Variants in RPL7A observed in about 807,000 individuals in gnomAD.
The protein encoded by RPL7A is ribosomal protein L7a.
For missense variants in RPL7A, 291 were observed against 338.2 expected, an observed-to-expected ratio of 0.86 and a Z score of 1.09; for synonymous variants, 158 against 128.2, an observed-to-expected ratio of 1.23 and a Z score of -1.57.
intron 2 of RPL7A, 99 bp from the exon 3 acceptor site, chr9:133,349,452 C>T (rs2129986178): frequency 6.9e-7 from 1 of 1,441,848 alleles, no homozygotes; most frequent in Non-Finnish European, 9.8e-7. Context: ...CATTTTAAAC[C>T]ACCAAGATCG....
intron 2 of RPL7A, 130 bp from the exon 3 acceptor site, chr9:133,349,421 C>A: frequency 9.0e-7 from 1 of 1,110,634 alleles, no homozygotes; most frequent in Non-Finnish European, 1.4e-6. Context: ...AGAATATTTG[C>A]TATCTGAGAG....
chr9:133,350,359 CA>C, intron 5 of RPL7A, 40 bp downstream of exon 5: 3 of 1,606,582 alleles, frequency 1.9e-6, no homozygotes, highest in Non-Finnish European at 2.6e-6. Context: ...GGGCTTCTGG[CA>C]GTACCAGGAA....
At position 133,351,053 on chromosome 9, in the gene RPL7A, C is replaced by T. The variant is rs1209777679; in HGVS notation, c.678C>T (p.Tyr226=). ...TGGTGGAAGCTATCAGGACCAATTACAATGACAGATACGATGAGGTAAGAG... is the reference window on the plus strand; with the variant it reads ...TGGTGGAAGCTATCAGGACCAATTATAATGACAGATACGATGAGGTAAGAG... ...AKLVEAIRTN[Y]NDRYDEIRRH... Residue 226 remains tyrosine, a synonymous_variant, in exon 7 of 8, where the codon TAC becomes TAT. Transcript: ENST00000323345. 2.5e-6 allele frequency: 4 copies of T among 1,613,982 alleles called. No homozygotes were observed. The highest frequency in any genetic ancestry group is 3.4e-6 in the Non-Finnish European group (4 of 1,180,000).
chr9:133,350,401 T>A, intron 5 of RPL7A, 82 bp downstream of exon 5: 1 of 1,554,952 alleles, frequency 6.4e-7, no homozygotes, highest in Non-Finnish European at 8.9e-7. Flanking sequence ...AAGTCAGTGA[T>A]GGGACCGAAG....
intron 1 of RPL7A, 91 bp downstream of exon 1, chr9:133,348,337 GCTC>G (rs1191043079): frequency 6.5e-7 from 1 of 1,549,144 alleles, no homozygotes; most frequent in African/African-American, 1.4e-5. Flanking sequence ...AGGGCCTCCT[GCTC>G]CTCCTGGCGC....
intron 6 of RPL7A, 109 bp from the exon 7 acceptor site, chr9:133,350,893 C>T (rs2129996797): frequency 8.9e-6 from 13 of 1,460,116 alleles, no homozygotes; most frequent in Non-Finnish European, 1.2e-5. Context: ...ACCATGTGGT[C>T]AGCATTGCAT....
chr9:133,349,486 G>A lies in RPL7A; in HGVS notation c.125-65G>A, dbSNP rs117469434. On this transcript the variant is annotated intron_variant, in intron 2 of 7. Coordinates refer to ENST00000323345, the MANE Select transcript of RPL7A (RefSeq NM_000972.3). Reference sequence around the variant, plus strand: ...CGCTGATGCACCAACACCCTTCCTAGTGGCCCCAGACATGAACTTGACATG... The same window carrying A: ...CGCTGATGCACCAACACCCTTCCTAATGGCCCCAGACATGAACTTGACATG... The A allele has an allele frequency of 6.8e-5, 109 of 1,603,740 alleles. 1 individual carries two copies. In the East Asian group the frequency reaches 2.3e-3, roughly 33 times the overall value.
Position 133,350,608 on chromosome 9 carries a change from C to T in RPL7A, c.507C>T (p.Phe169=), listed in dbSNP as rs2129994997. 2.7e-5 allele frequency: 43 copies of T among 1,614,044 alleles called. No homozygotes were observed. Among genetic ancestry groups the T allele is most frequent in the African/African-American group, 1.9e-4 (14 of 75,068 alleles). Residue 169 remains phenylalanine (F), a synonymous_variant, in exon 6 of 8, where the codon TTC becomes TTT. Coordinates refer to ENST00000323345, the MANE Select transcript of RPL7A (RefSeq NM_000972.3). ...ATGCTTTCTTCCAGCTGGTTGTCTT[C>T]TTGCCTGCCCTGTGTCGTAAAATGG... The part of the protein sequence containing the change: ...HDVDPIELVV[F]LPALCRKMGV...
chr9:133,348,316 C>A (rs587730357), intron 1 of RPL7A, 70 bp downstream of exon 1: 1 of 1,606,870 alleles, frequency 6.2e-7, no homozygotes, highest in South Asian at 1.1e-5. Flanking sequence ...CTCCTCCAGG[C>A]GCGGCCTCGG....
chr9:133,351,324 C>T lies in RPL7A; in HGVS notation c.759C>T (p.Leu253=), dbSNP rs138448510. 52 of 1,613,518 alleles carry T rather than the reference C, an allele frequency of 3.2e-5. No individual in the cohort carries two copies. The highest frequency in any genetic ancestry group is 4.3e-5 in the Non-Finnish European group (51 of 1,179,840). The change falls in exon 8 of 8, where the codon CTC becomes CTT. Residue 253 remains leucine (L), a synonymous_variant. Transcript: ENST00000323345. The part of the protein sequence containing the change: ...GPKSVARIAK[L]EKAKAKELAT... ...AGTCTGTGGCTCGTATCGCCAAGCTCGAAAAGGCAAAGGCTAAAGAACTTG... is the reference window on the plus strand; with the variant it reads ...AGTCTGTGGCTCGTATCGCCAAGCTTGAAAAGGCAAAGGCTAAAGAACTTG...
chr9:133,349,001 T>G lies in RPL7A; in HGVS notation c.83T>G (p.Val28Gly). 3.1e-6 allele frequency: 5 copies of G among 1,613,986 alleles called. No individual in the cohort carries two copies. The highest frequency in any genetic ancestry group is 3.4e-6 in the Non-Finnish European group (4 of 1,179,994). ...VVKKQEAKKV[V>G]NPLFEKRPKN... Reference sequence around the variant, plus strand: ...AAGAAGCAGGAGGCTAAGAAAGTGGTGAATCCCCTGTTTGAGAAAAGGCCT... The same window carrying G: ...AAGAAGCAGGAGGCTAAGAAAGTGGGGAATCCCCTGTTTGAGAAAAGGCCT... Residue 28 changes from valine to glycine, a missense_variant, in exon 2 of 8, where the codon GTG becomes GGG. By Grantham distance (109) the Val-to-Gly change is moderately radical. Transcript: ENST00000323345.
intron 6 of RPL7A, 37 bp from the exon 7 acceptor site, chr9:133,350,965 C>CA (rs2129997298): frequency 2.5e-6 from 4 of 1,609,550 alleles, no homozygotes; most frequent in East Asian, 2.2e-5. Context: ...GAAACTAAGG[C>CA]AAAAAACCCA....
chr9:133,349,247 G>A, intron 2 of RPL7A: 1 of 747,720 alleles, frequency 1.3e-6, no homozygotes, highest in Non-Finnish European at 2.3e-6. Context: ...TATGGTAGTG[G>A]CCTTGAATTC....
chr9:133,351,225 A>G (rs1310499707), intron 7 of RPL7A, 37 bp from the exon 8 acceptor site: 2 of 1,597,196 alleles, frequency 1.3e-6, no homozygotes, highest in East Asian at 2.2e-5. Flanking sequence ...CTCAGAAAAC[A>G]GTAAGCCAAG....
In RPL7A at chr9:133,348,660, C is replaced by G. The variant is rs1836285808; in HGVS notation, c.4-262C>G. On this transcript the variant is annotated intron_variant, in intron 1 of 7. Coordinates refer to ENST00000323345, the MANE Select transcript of RPL7A (RefSeq NM_000972.3). ...AGGAGTCATGAGTCCGGGGTGTCTC[C>G]TGGGTGGGCGACGCGAAGAGAGCGT... is the stretch of plus-strand genomic sequence containing the variant. 11 of 686,716 alleles carry G rather than the reference C, an allele frequency of 1.6e-5. 1 individual carries two copies. The South Asian group carries it at 1.7e-4, about 10-fold the overall frequency. The allele number at this position is 686,716 out of a possible 1,614,324, so 42.5% of individuals were successfully genotyped here.
rs1342702239 is a variant in RPL7A, at chr9:133,349,970, G to A, written c.333G>A (p.Lys111=). Residue 111 remains lysine, a synonymous_variant, in exon 4 of 8, where the codon AAG becomes AAA. Transcript: ENST00000323345. ...GACCAGAGACAAAGCAAGAGAAGAA[G>A]CAGAGACTGTTGGCCCGGGCCGAGA... is the stretch of plus-strand genomic sequence containing the variant. ...KYRPETKQEK[K]QRLLARAEKK... is the part of the protein sequence containing the mutation. 2 of 1,612,142 alleles carry A rather than the reference G, an allele frequency of 1.2e-6. No individual in the cohort carries two copies. The highest frequency in any genetic ancestry group is 1.1e-5 in the South Asian group (1 of 91,016).
chr9:133,350,177 C>T, intron 4 of RPL7A, 63 bp from the exon 5 acceptor site: 1 of 1,607,270 alleles, frequency 6.2e-7, no homozygotes, highest in Non-Finnish European at 8.5e-7. Flanking sequence ...GCAGCTGAGC[C>T]CAGCAGCTTC....
In RPL7A at chr9:133,349,583, C is replaced by A; in HGVS notation, c.157C>A (p.Arg53Ser). 6.8e-6 allele frequency: 11 copies of A among 1,614,068 alleles called. No individual in the cohort carries two copies. The highest frequency in any genetic ancestry group is 8.5e-6 in the Non-Finnish European group (10 of 1,179,988). ...QDIQPKRDLT[R>S]FVKWPRYIRL... ...CATCCAGCCCAAAAGAGACCTCACC[C>A]GCTTTGTGAAATGGCCCCGCTATAT... The change falls in exon 3 of 8, where the codon CGC becomes AGC. Residue 53 changes from arginine (R) to serine (S), a missense_variant. Physicochemically the swap from Arg to Ser is moderately radical, Grantham distance 110. Transcript: ENST00000323345.
rs2129982231 is a variant in RPL7A, at chr9:133,348,926, A to T, written c.8A>T (p.Lys3Ile). Residue 3 changes from lysine (K) to isoleucine (I), a missense_variant, in exon 2 of 8, where the codon AAA becomes ATA. Coordinates refer to ENST00000323345, the MANE Select transcript of RPL7A (RefSeq NM_000972.3). ...TGACGTTTTCTTTCTGCCCAGCCGA[A>T]AGGAAAGAAGGCCAAGGGAAAGAAG... Reference protein sequence around the residue: MPKGKKAKGKKVA... With the variant: MPIGKKAKGKKVA... 6.2e-7 allele frequency: 1 copy of T among 1,613,902 alleles called. No homozygotes were observed. The highest frequency in any genetic ancestry group is 1.7e-5 in the Admixed American group (1 of 60,018).
Sources: allele counts gnomAD v4.1 joint callset, GRCh38; gene constraint gnomAD v4.1.1; transcripts MANE v1.5; gene names NCBI Gene and HGNC (gene_info 2026-07-23, HGNC 2026-07-21).